RGS3: variants seen among roughly 807,000 people sequenced by gnomAD.
The protein encoded by RGS3 is regulator of G-protein signalling 3.
In RGS3, 80 loss-of-function variants were observed where a neutral mutation model predicts 132.6. The observed-to-expected ratio is 0.60, with a 90% CI of 0.50 to 0.73. The LOEUF is 0.73. RGS3 is among the 30% of genes least tolerant of loss of function. RGS3 has a pLI of 0.00. For missense variants in RGS3, 1,382 were observed against 1,530.8 expected, an observed-to-expected ratio of 0.90 and a Z score of 1.62; for synonymous variants, 598 against 620.6, an observed-to-expected ratio of 0.96 and a Z score of 0.54.
rs751306152 is a variant in RGS3 at position 113,594,905 on chromosome 9, C to T, written c.3183-14C>T. The T allele has an allele frequency of 1.9e-6, 3 of 1,613,620 alleles. No individual in the cohort carries two copies. The South Asian group carries it at 3.3e-5, about 18-fold the overall frequency. On this transcript the variant is annotated splice_polypyrimidine_tract_variant and intron_variant, in intron 22 of 24. Coordinates refer to ENST00000350696, the Ensembl canonical transcript of RGS3. ...TCTCAGTGCCCTCACTGTGTTTCCT[C>T]CCTCACCCCTCAGGCCCACCTCAGA...
chr9:113,485,094 A>G (rs972778051), intron 6 of RGS3, among the ~76,000 whole-genome samples: 7 of 149,740 alleles, frequency 4.7e-5, no homozygotes, highest in Non-Finnish European at 5.9e-5. Context: ...CAAAAATGGA[A>G]TTTTTTTTTT....
At chr9:113,538,445 G>T (rs1832772497) in intron 19 of RGS3, among the ~76,000 whole-genome samples, 1 of 152,174 alleles carries the variant, frequency 6.6e-6, no homozygotes, top group Admixed American at 6.5e-5. Flanking sequence ...TTTCCTTTGG[G>T]CTTGTGCCTC....
chr9:113,585,164 G>A (rs925787997), intron 20 of RGS3, among the ~76,000 whole-genome samples: 1 of 152,232 alleles, frequency 6.6e-6, no homozygotes, highest in African/African-American at 2.4e-5. Flanking sequence ...AGAGAAATAA[G>A]TTAACTGTGT....
intron 21 of RGS3, 170 bp from the exon 20 acceptor site, chr9:113,594,260 T>G (rs2119056673): frequency 1.2e-6 from 2 of 1,610,824 alleles, no homozygotes; most frequent in Non-Finnish European, 1.7e-6. Context: ...GGCCCCAAGG[T>G]GGGGGGCCCT....
intron 19 of RGS3, among the ~76,000 whole-genome samples, chr9:113,543,044 T>C (rs1445531676): frequency 6.6e-6 from 1 of 152,188 alleles, no homozygotes. Flanking sequence ...GCAGCTCTCA[T>C]ACTCTTATCT....
chr9:113,585,897 G>T (rs1224424266), intron 20 of RGS3, among the ~76,000 whole-genome samples: 3 of 152,218 alleles, frequency 2.0e-5, no homozygotes, highest in Admixed American at 1.3e-4. Flanking sequence ...GGGCCCTCCA[G>T]AAAAGGGTCT....
chr9:113,517,479 C>A, intron 15 of RGS3, 62 bp from the exon 14 acceptor site: 9 of 1,371,334 alleles, frequency 6.6e-6, no homozygotes, highest in Non-Finnish European at 9.4e-6. Flanking sequence ...CTGCTGCTTC[C>A]TCCCCCCGGG....
intron 10 of RGS3, chr9:113,505,045 A>T (rs1431384733): frequency 9.7e-6 from 2 of 207,150 alleles, no homozygotes; most frequent in African/African-American, 4.5e-5. Context: ...CGCTCTGTGA[A>T]CCTCTGTGAG....
intron 19 of RGS3, among the ~76,000 whole-genome samples, chr9:113,571,236 A>T (rs554564829): frequency 2.6e-5 from 4 of 152,360 alleles, no homozygotes; most frequent in Admixed American, 1.3e-4. Context: ...CTTTTGATAT[A>T]CTATGTTTGC....
At chr9:113,501,031 T>G (rs1830863935) in intron 10 of RGS3, among the ~76,000 whole-genome samples, 1 of 152,168 alleles carries the variant, frequency 6.6e-6, no homozygotes, top group South Asian at 2.1e-4. Context: ...AGGCAGGTCT[T>G]CAGACTCCAA....
In RGS3 at chr9:113,466,250, G is replaced by T. The variant is rs1829639511; in HGVS notation, c.415+4049G>T. ...TGGCTAAGTTTTTCTCAGTTCACTG[G>T]CCTTTCCTTAGCAAAGTAGGTAGCC... On this transcript the variant is annotated intron_variant, in intron 3 of 24. Transcript: ENST00000350696. Among the ~76,000 whole-genome samples, 2 of 152,214 alleles carry T rather than the reference G, an allele frequency of 1.3e-5. 1 individual carries two copies. Among genetic ancestry groups the T allele is most frequent in the African/African-American group, 4.8e-5 (2 of 41,446 alleles).
At chr9:113,575,510 C>T (rs1319343659) in intron 19 of RGS3, among the ~76,000 whole-genome samples, 1 of 152,142 alleles carries the variant, frequency 6.6e-6, no homozygotes, top group African/African-American at 2.4e-5. Flanking sequence ...GGGAACTTGC[C>T]ACCTCCCCCG....
chr9:113,547,965 G>T (rs1258450049), intron 19 of RGS3, among the ~76,000 whole-genome samples: 1 of 152,220 alleles, frequency 6.6e-6, no homozygotes, highest in Non-Finnish European at 1.5e-5. Flanking sequence ...GGCCTAGGAA[G>T]CTGACCACCA....
In RGS3 at chr9:113,522,771, G is replaced by C. The variant is rs1046699294; in HGVS notation, c.1759-159G>C. On this transcript the variant is annotated intron_variant, in intron 16 of 24. Coordinates refer to ENST00000350696, the Ensembl canonical transcript of RGS3. Reference sequence around the variant, plus strand: ...TTGACTGCAGGTCAGGACTGCCCTTGGCTGAGGCTGTACTGAGCACTGCTC... The same window carrying C: ...TTGACTGCAGGTCAGGACTGCCCTTCGCTGAGGCTGTACTGAGCACTGCTC... 2.6e-5 allele frequency: 17 copies of C among 662,926 alleles called. No homozygotes were observed. In the African/African-American group the frequency reaches 2.8e-4, roughly 11 times the overall value. The allele number at this position is 662,926 out of a possible 1,614,324, so 41.1% of individuals were successfully genotyped here.
At chr9:113,496,573 C>T (rs547732130) in intron 8 of RGS3, among the ~76,000 whole-genome samples, 56 of 151,422 alleles carry the variant, frequency 3.7e-4, no homozygotes, top group Non-Finnish European at 1.2e-4. Flanking sequence ...TCTTTTGAGA[C>T]GGAGTCTCAC....
chr9:113,462,039 C>T, exon 3 of RGS3: 1 of 1,613,818 alleles, frequency 6.2e-7, no homozygotes, highest in South Asian at 1.1e-5. Context: ...CGTCTCTGTG[C>T]TCAGTGTCCT....
At chr9:113,560,152 AG>A (rs1291654926) in intron 19 of RGS3, among the ~76,000 whole-genome samples, 1 of 152,164 alleles carries the variant, frequency 6.6e-6, no homozygotes. Context: ...CTTTAGTGAG[AG>A]GGCCTGAAGG....
chr9:113,463,700 A>T lies in RGS3; in HGVS notation c.415+1499A>T, dbSNP rs1018787153. On this transcript the variant is annotated intron_variant, in intron 3 of 24. Coordinates refer to ENST00000350696, the Ensembl canonical transcript of RGS3. This position sits in a 1 kb window ranked among gnomAD's most constrained non-coding sequence, Gnocchi z 4.6. ...CCGTTCCAACGCTTGGGGCAGCCCT[A>T]CCTCCCGCTCGCGCTCCTCCCGCCC... 10 of 1,433,034 alleles carry T rather than the reference A, an allele frequency of 7.0e-6. No homozygotes were observed. Among genetic ancestry groups the T allele is most frequent in the Non-Finnish European group, 9.1e-6 (10 of 1,094,776 alleles). The allele number at this position is 1,433,034 out of a possible 1,614,324, so 88.8% of individuals were successfully genotyped here. A position where few individuals can be genotyped will look rare whatever the true frequency, so the allele number is the denominator to read the frequency against.
intron 10 of RGS3, among the ~76,000 whole-genome samples, chr9:113,501,044 G>A (rs1416554268): frequency 1.1e-4 from 16 of 152,238 alleles, no homozygotes; most frequent in Non-Finnish European, 1.5e-5. Flanking sequence ...GACTCCAAAT[G>A]TTTTATGTTC....
Sources: allele counts gnomAD v4.1 joint callset (sites outside exome capture counted in the v4.1 genomes callset), GRCh38; gene constraint gnomAD v4.1.1; non-coding constraint Gnocchi (gnomAD v3.1); transcripts MANE v1.5; gene names NCBI Gene and HGNC (gene_info 2026-07-23, HGNC 2026-07-21).